The following SRR variants were observed in gnomAD, a reference collection of about 807,000 sequenced individuals.
The protein encoded by SRR is serine racemase, also known as D-serine ammonia-lyase.
A neutral mutation model predicts 32.7 loss-of-function variants in SRR; 19 were observed. The observed-to-expected ratio is 0.58, with a 90% CI of 0.40 to 0.85. The LOEUF (loss-of-function observed/expected upper bound fraction) is 0.85. Among genes scored for constraint, SRR ranks in the 40% least tolerant of loss-of-function variants. SRR has a pLI of 0.00. For missense variants in SRR, 373 were observed against 404.7 expected (o/e 0.92, Z 0.67); for synonymous variants, 142 against 140.9 (o/e 1.01, Z -0.06).
intron 1 of SRR, chr17:2,307,461 T>G (rs1597257275): frequency 7.0e-7 from 1 of 1,436,904 alleles, no homozygotes; most frequent in Non-Finnish European, 9.7e-7. Context: ...GCTGTGGTGG[T>G]GGTGGATATC....
At chr17:2,310,649 G>A (rs1389546157) in intron 1 of SRR, among the ~76,000 whole-genome samples, 1 of 152,052 alleles carries the variant, frequency 6.6e-6, no homozygotes, top group Non-Finnish European at 1.5e-5. Context: ...AACATTCTCG[G>A]CTTACTGCAA....
intron 2 of SRR, among the ~76,000 whole-genome samples, chr17:2,317,380 C>T (rs1279203398): frequency 6.6e-6 from 1 of 151,838 alleles, no homozygotes; most frequent in East Asian, 1.9e-4. Flanking sequence ...GGCGTGGTGG[C>T]GGGCGCCTGC....
chr17:2,303,706 C>T (rs1307171641), upstream of SRR: 2 of 1,493,854 alleles, frequency 1.3e-6, no homozygotes, highest in Admixed American at 4.4e-5. Context: ...GCACACGCTC[C>T]AGCCCTTCCG....
chr17:2,314,760 C>CA (rs950178086), intron 1 of SRR, among the ~76,000 whole-genome samples: 54 of 136,208 alleles, frequency 4.0e-4, no homozygotes, highest in African/African-American at 1.0e-3. Context: ...TCTCAAAAAA[C>CA]AAAAAAAAAG....
chr17:2,306,911 C>G, intron 1 of SRR: 1 of 991,780 alleles, frequency 1.0e-6, no homozygotes. Context: ...GATCCAAACA[C>G]CAAGCACTCC....
In SRR at chr17:2,323,815, C is replaced by G; in HGVS notation, c.965C>G (p.Ser322Cys). The change falls in exon 8 of 8, where the codon TCC (serine) becomes TGC (cysteine). Residue 322 changes from serine (S) to cysteine (C), a missense_variant. Coordinates refer to ENST00000344595, the MANE Select transcript of SRR (RefSeq NM_021947.3). ...LSGGNVDLTS[S>C]ITWVKQAERP... The stretch of plus-strand genomic sequence containing the variant: ...GGTGGAAATGTAGACTTAACCTCCT[C>G]CATAACTTGGGTGAAGCAGGCTGAA... The G allele has an allele frequency of 6.2e-7, 1 of 1,614,206 alleles. No homozygotes were observed. Among genetic ancestry groups the G allele is most frequent in the East Asian group, 2.2e-5 (1 of 44,886 alleles).
chr17:2,318,396 C>G (rs1019000055), intron 3 of SRR, among the ~76,000 whole-genome samples: 1 of 151,900 alleles, frequency 6.6e-6, no homozygotes. Flanking sequence ...GCAATCCACC[C>G]GCCTTGGCCT....
chr17:2,304,710 G>A (rs1311718526), intron 1 of SRR, among the ~76,000 whole-genome samples: 1 of 151,186 alleles, frequency 6.6e-6, no homozygotes, highest in South Asian at 2.1e-4. Flanking sequence ...AGCCGAGATC[G>A]CGCCACTGCA....
At chr17:2,323,444 C>A in intron 7 of SRR, 99 bp downstream of exon 7, 2 of 1,392,788 alleles carry the variant, frequency 1.4e-6, no homozygotes, top group South Asian at 1.2e-5. Context: ...GGGAACCTGA[C>A]TAGGTAACTT....
At position 2,324,513 on chromosome 17, in the gene SRR, C is replaced by T; in HGVS notation, c.*640C>T. On this transcript the variant is annotated 3_prime_UTR_variant, in exon 8 of 8. Transcript: ENST00000344595. Reference sequence around the variant, plus strand: ...TCCCGTGTTTCCTTACCTAAAGGTTCCTTGATATGTCCTCTCCGGCCCCAC... The same window carrying T: ...TCCCGTGTTTCCTTACCTAAAGGTTTCTTGATATGTCCTCTCCGGCCCCAC... 6.2e-7 allele frequency: 1 copy of T among 1,614,206 alleles called. No homozygotes were observed. The highest frequency in any genetic ancestry group is 1.1e-5 in the South Asian group (1 of 91,082).
intron 1 of SRR, among the ~76,000 whole-genome samples, chr17:2,313,136 A>G (rs2075444871): frequency 1.3e-5 from 2 of 152,220 alleles, no homozygotes. Context: ...AGTCATTTTA[A>G]AAGTTGGATA....
chr17:2,318,081 T>C (rs1306152462), intron 3 of SRR, 85 bp downstream of exon 3: 2 of 1,393,994 alleles, frequency 1.4e-6, no homozygotes, highest in African/African-American at 1.5e-5. Context: ...ATGATAGCTG[T>C]GGGAAGTAAC....
At chr17:2,318,619 A>ATTTTTTTTTTTTTTTTTTTTTTTTTTT (rs35847724) in intron 3 of SRR, among the ~76,000 whole-genome samples, 1 of 92,550 alleles carries the variant, frequency 1.1e-5, no homozygotes. Context: ...ATGCCTGGCT[A>ATTTTTTTTTTTTTTTTTTTTTTTTTTT]TTTTTTTTTT....
chr17:2,309,777 T>C lies in SRR; in HGVS notation c.-5+5760T>C, dbSNP rs958989716. ...GACTATTGCACACTGTTATCTTCAGTGACCTCATACCCTGGCCACTGGTCC... is the reference window on the plus strand; with the variant it reads ...GACTATTGCACACTGTTATCTTCAGCGACCTCATACCCTGGCCACTGGTCC... On this transcript the variant is annotated intron_variant, in intron 1 of 7. Coordinates refer to ENST00000344595, the MANE Select transcript of SRR (RefSeq NM_021947.3). 11 of 152,230 alleles carry C rather than the reference T, an allele frequency of 7.2e-5. No individual in the cohort carries two copies. In the East Asian group the frequency reaches 2.1e-3, roughly 29 times the overall value. The allele number at this position is 152,230 out of a possible 1,614,324, so 9.4% of individuals were successfully genotyped here. A position where few individuals can be genotyped will look rare whatever the true frequency, so the allele number is the denominator to read the frequency against.
intron 4 of SRR, among the ~76,000 whole-genome samples, chr17:2,320,476 G>A (rs1184078171): frequency 2.0e-5 from 3 of 151,008 alleles, no homozygotes; most frequent in Non-Finnish European, 3.0e-5. Context: ...GGCTGGTCTC[G>A]AACTCCTGAC....
intron 1 of SRR, among the ~76,000 whole-genome samples, chr17:2,306,578 G>A (rs1347815124): frequency 1.3e-5 from 2 of 151,962 alleles, no homozygotes; most frequent in African/African-American, 4.8e-5. Flanking sequence ...CTAGCCGGGC[G>A]TGGTGGTGGG....
At chr17:2,320,613 G>A (rs1338201888) in intron 4 of SRR, among the ~76,000 whole-genome samples, 4 of 151,740 alleles carry the variant, frequency 2.6e-5, no homozygotes, top group African/African-American at 4.9e-5. Flanking sequence ...CCAGGCTGGA[G>A]TGCGGTAGTT....
Position 2,317,972 on chromosome 17 carries a change from C to T in SRR, c.271C>T (p.Leu91Phe), listed in dbSNP as rs749215094. Reference sequence around the variant, plus strand: ...CAGCAGTGGAAACCATGGCCAGGCTCTCACCTATGCTGCCAAATTGGAAGG... The same window carrying T: ...CAGCAGTGGAAACCATGGCCAGGCTTTCACCTATGCTGCCAAATTGGAAGG... ...THSSGNHGQA[L>F]TYAAKLEGIP... The change falls in exon 3 of 8, where the codon CTC (leucine) becomes TTC (phenylalanine). Residue 91 changes from leucine to phenylalanine, a missense_variant. Leu to Phe is a conservative substitution (Grantham distance 22, BLOSUM62 0). Transcript: ENST00000344595. 6.2e-7 allele frequency: 1 copy of T among 1,613,354 alleles called. No individual in the cohort carries two copies. Among genetic ancestry groups the T allele is most frequent in the Admixed American group, 1.7e-5 (1 of 59,918 alleles).
upstream of SRR, chr17:2,303,584 G>GGAGGC: frequency 7.3e-7 from 1 of 1,376,150 alleles, no homozygotes; most frequent in East Asian, 3.1e-5. Context: ...AGGAGGAGAG[G>GGAGGC]GAGGCGGGGC....
Sources: allele counts gnomAD v4.1 joint callset (sites outside exome capture counted in the v4.1 genomes callset), GRCh38; gene constraint gnomAD v4.1.1; transcripts MANE v1.5; gene names NCBI Gene and HGNC (gene_info 2026-07-23, HGNC 2026-07-21).